KRTAP12-2: variants seen among roughly 807,000 people sequenced by gnomAD.
The protein encoded by KRTAP12-2 is keratin associated protein 12-2.
For missense variants in KRTAP12-2, 166 were observed against 184.2 expected (o/e 0.90, Z 0.57); for synonymous variants, 73 against 83.9 (o/e 0.87, Z 0.71).
chr21:44,666,346 T>C lies in KRTAP12-2; in HGVS notation c.*100A>G. On this transcript the variant is annotated 3_prime_UTR_variant, in exon 1 of 1. Coordinates refer to ENST00000360770, the MANE Select transcript of KRTAP12-2 (RefSeq NM_181684.3). ...CAGAGGGTTCAACTGAGCATGCTTT[T>C]CACCTGCACCATGTGCAGAAGACCA... The C allele has an allele frequency of 7.5e-7, 1 of 1,330,568 alleles. No homozygotes were observed. The highest frequency in any genetic ancestry group is 1.0e-6 in the Non-Finnish European group (1 of 966,754). 82.4% of individuals were successfully genotyped at this position (1,330,568 alleles called of 1,614,324 possible). A position where few individuals can be genotyped will look rare whatever the true frequency, so the allele number is the denominator to read the frequency against.
chr21:44,666,245 C>T lies in KRTAP12-2; in HGVS notation c.*201G>A. The T allele has an allele frequency of 1.6e-6, 1 of 617,808 alleles. No individual in the cohort carries two copies. Among genetic ancestry groups the T allele is most frequent in the Non-Finnish European group, 2.7e-6 (1 of 366,836 alleles). 38.3% of individuals were successfully genotyped at this position (617,808 alleles called of 1,614,324 possible). ...ATGGGGTCAGAGAATGACTCTGGGACCCCAGACTTCCCTGGGGGGATGGGC... is the reference window on the plus strand; with the variant it reads ...ATGGGGTCAGAGAATGACTCTGGGATCCCAGACTTCCCTGGGGGGATGGGC... On this transcript the variant is annotated 3_prime_UTR_variant, in exon 1 of 1. Coordinates refer to ENST00000360770, the MANE Select transcript of KRTAP12-2 (RefSeq NM_181684.3).
Position 44,666,266 on chromosome 21 carries a change from T to C in KRTAP12-2, c.*180A>G. On this transcript the variant is annotated 3_prime_UTR_variant, in exon 1 of 1. Coordinates refer to ENST00000360770, the MANE Select transcript of KRTAP12-2 (RefSeq NM_181684.3). ...GGGACCCCAGACTTCCCTGGGGGGATGGGCAAGGTCAGCAAGGGCTCCAGA... is the reference window on the plus strand; with the variant it reads ...GGGACCCCAGACTTCCCTGGGGGGACGGGCAAGGTCAGCAAGGGCTCCAGA... 1 of 760,196 alleles carries C rather than the reference T, an allele frequency of 1.3e-6. No individual in the cohort carries two copies. The highest frequency in any genetic ancestry group is 2.1e-6 in the Non-Finnish European group (1 of 485,874). 47.1% of individuals were successfully genotyped at this position (760,196 alleles called of 1,614,324 possible).
In KRTAP12-2 at chr21:44,666,574, A is replaced by G. The variant is rs1985774887; in HGVS notation, c.313T>C (p.Cys105Arg). ...ACAGGCCTGCAGCTCACAGGCACGC[A>G]CAGGGAGGACTGGCAGGAGGGGGCT... Reference protein sequence around the residue: ...CAAPSCQSSLCVPVSCRPVVY... With the variant: ...CAAPSCQSSLRVPVSCRPVVY... The change falls in exon 1 of 1, where the codon TGC becomes CGC. Residue 105 changes from cysteine to arginine, a missense_variant. Physicochemically the swap from Cys to Arg is radical, Grantham distance 180. Transcript: ENST00000360770. The G allele has an allele frequency of 6.2e-7, 1 of 1,601,848 alleles. No individual in the cohort carries two copies. Among genetic ancestry groups the G allele is most frequent in the African/African-American group, 1.3e-5 (1 of 74,662 alleles).
rs370521538 is a variant in KRTAP12-2 at position 44,666,520 on chromosome 21, A to T, written c.367T>A (p.Ser123Thr). 5.0e-6 allele frequency: 8 copies of T among 1,612,444 alleles called. No homozygotes were observed. The African/African-American group carries it at 1.1e-4, about 22-fold the overall frequency. The change falls in exon 1 of 1, where the codon TCT becomes ACT. Residue 123 changes from serine (S) to threonine (T), a missense_variant. Ser to Thr is a moderately conservative substitution (Grantham distance 58). Coordinates refer to ENST00000360770, the MANE Select transcript of KRTAP12-2 (RefSeq NM_181684.3). Reference protein sequence around the residue: ...VVYAAPSCQSSGCCQPSCTSV... With the variant: ...VVYAAPSCQSTGCCQPSCTSV... ...GTGCAGGAGGGCTGGCAGCACCCAGAGGACTGGCAGGACGGAGCCGCATAC... is the reference window on the plus strand; with the variant it reads ...GTGCAGGAGGGCTGGCAGCACCCAGTGGACTGGCAGGACGGAGCCGCATAC...
At position 44,666,566 on chromosome 21, in the gene KRTAP12-2, A is replaced by T; in HGVS notation, c.321T>A (p.Pro107=). 2 of 1,600,350 alleles carry T rather than the reference A, an allele frequency of 1.2e-6. No homozygotes were observed. The highest frequency in any genetic ancestry group is 1.7e-6 in the Non-Finnish European group (2 of 1,169,524). The change falls in exon 1 of 1, where the codon CCT becomes CCA. Residue 107 remains proline, a synonymous_variant. Transcript: ENST00000360770. ...APSCQSSLCV[P]VSCRPVVYAA... Reference sequence around the variant, plus strand: ...CATACACGACAGGCCTGCAGCTCACAGGCACGCACAGGGAGGACTGGCAGG... The same window carrying T: ...CATACACGACAGGCCTGCAGCTCACTGGCACGCACAGGGAGGACTGGCAGG...
Position 44,666,492 on chromosome 21 carries a change from C to T in KRTAP12-2, c.395G>A (p.Ser132Asn). The T allele has an allele frequency of 1.2e-6, 2 of 1,609,324 alleles. No homozygotes were observed. Among genetic ancestry groups the T allele is most frequent in the Non-Finnish European group, 1.7e-6 (2 of 1,177,366 alleles). ...GTAGGAGATGGGTCTGCAGAGGACG[C>T]TGGTGCAGGAGGGCTGGCAGCACCC... The part of the protein sequence containing the change: ...SSGCCQPSCT[S>N]VLCRPISYSI... Residue 132 changes from serine (S) to asparagine (N), a missense_variant, in exon 1 of 1, where the codon AGC becomes AAC. Coordinates refer to ENST00000360770, the MANE Select transcript of KRTAP12-2 (RefSeq NM_181684.3).
In KRTAP12-2 at chr21:44,666,715, C is replaced by G; in HGVS notation, c.172G>C (p.Val58Leu). The change falls in exon 1 of 1, where the codon GTG (valine) becomes CTG (leucine). Residue 58 changes from valine (V) to leucine (L), a missense_variant. Physicochemically the swap from Val to Leu is conservative, Grantham distance 32. Coordinates refer to ENST00000360770, the MANE Select transcript of KRTAP12-2 (RefSeq NM_181684.3). Reference sequence around the variant, plus strand: ...ACACACACAGAAGACTGGCAGCTCACGGGCAGGCACACGGCTGGCTTGAAG... The same window carrying G: ...ACACACACAGAAGACTGGCAGCTCAGGGGCAGGCACACGGCTGGCTTGAAG... ...VSFKPAVCLP[V>L]SCQSSVCVPM... The G allele has an allele frequency of 6.2e-7, 1 of 1,613,586 alleles. No homozygotes were observed. Among genetic ancestry groups the G allele is most frequent in the Non-Finnish European group, 8.5e-7 (1 of 1,179,812 alleles).
At position 44,666,340 on chromosome 21, in the gene KRTAP12-2, T is replaced by C. The variant is rs1985756672; in HGVS notation, c.*106A>G. 7 of 1,286,164 alleles carry C rather than the reference T, an allele frequency of 5.4e-6. No homozygotes were observed. The highest frequency in any genetic ancestry group is 7.6e-6 in the Non-Finnish European group (7 of 927,062). 79.7% of individuals were successfully genotyped at this position (1,286,164 alleles called of 1,614,324 possible). On this transcript the variant is annotated 3_prime_UTR_variant, in exon 1 of 1. Coordinates refer to ENST00000360770, the MANE Select transcript of KRTAP12-2 (RefSeq NM_181684.3). ...AGAATTCAGAGGGTTCAACTGAGCA[T>C]GCTTTTCACCTGCACCATGTGCAGA...
At chr21:44,666,688 G>GCA in the KRTAP12-2 span, 21 of 1,613,870 alleles carry the variant, frequency 1.3e-5, no homozygotes, top group South Asian at 2.2e-5. Context: ...AAGCTCATGG[G>GCA]CACACACACA....
chr21:44,666,522 G>A lies in KRTAP12-2; in HGVS notation c.365C>T (p.Ser122Phe), dbSNP rs1555944751. Residue 122 changes from serine (S) to phenylalanine (F), a missense_variant, in exon 1 of 1, where the codon TCC becomes TTC. Ser to Phe is a radical substitution (Grantham distance 155). Coordinates refer to ENST00000360770, the MANE Select transcript of KRTAP12-2 (RefSeq NM_181684.3). ...PVVYAAPSCQ[S>F]SGCCQPSCTS... is the part of the protein sequence containing the mutation. ...GCAGGAGGGCTGGCAGCACCCAGAGGACTGGCAGGACGGAGCCGCATACAC... is the reference window on the plus strand; with the variant it reads ...GCAGGAGGGCTGGCAGCACCCAGAGAACTGGCAGGACGGAGCCGCATACAC... 6.2e-7 allele frequency: 1 copy of A among 1,612,660 alleles called. No individual in the cohort carries two copies. The highest frequency in any genetic ancestry group is 8.5e-7 in the Non-Finnish European group (1 of 1,179,050).
Position 44,666,620 on chromosome 21 carries a change from G to A in KRTAP12-2, c.267C>T (p.Ser89=), listed in dbSNP as rs1555944799. 1 of 1,614,156 alleles carries A rather than the reference G, an allele frequency of 6.2e-7. No individual in the cohort carries two copies. Among genetic ancestry groups the A allele is most frequent in the East Asian group, 2.2e-5 (1 of 44,876 alleles). ...GGGCTGCACACACAATGGGCCTGCA[G>A]CTCACAGGCACACACACAGAAGACT... ...SCQSSVCVPV[S]CRPIVCAAPS... The change falls in exon 1 of 1, where the codon AGC becomes AGT. Residue 89 remains serine, a synonymous_variant. Coordinates refer to ENST00000360770, the MANE Select transcript of KRTAP12-2 (RefSeq NM_181684.3).
chr21:44,666,219 C>A lies in KRTAP12-2; in HGVS notation c.*227G>T. The stretch of plus-strand genomic sequence containing the variant: ...GGGGAAAGCTGGTTTATTTGGCTCT[C>A]ATGGGGTCAGAGAATGACTCTGGGA... On this transcript the variant is annotated 3_prime_UTR_variant, in exon 1 of 1. Transcript: ENST00000360770. 1.9e-6 allele frequency: 1 copy of A among 536,962 alleles called. No individual in the cohort carries two copies. The highest frequency in any genetic ancestry group is 3.3e-6 in the Non-Finnish European group (1 of 307,150). 33.3% of individuals were successfully genotyped at this position (536,962 alleles called of 1,614,324 possible). A position where few individuals can be genotyped will look rare whatever the true frequency, so the allele number is the denominator to read the frequency against.
chr21:44,666,924 G>GTGA lies in KRTAP12-2; in HGVS notation c.-41_-39dup, dbSNP rs2035335624. On this transcript the variant is annotated 5_prime_UTR_variant, in exon 1 of 1. Transcript: ENST00000360770. ...CTGGATAAGGTCGAGGCAGAGGGCA[G>GTGA]TGATGTCTGGGGACGGCCTCCCTGG... 1.3e-6 allele frequency: 2 copies of GTGA among 1,595,652 alleles called. No individual in the cohort carries two copies. Among genetic ancestry groups the GTGA allele is most frequent in the Admixed American group, 3.4e-5 (2 of 58,878 alleles).
rs781934722 is a variant in KRTAP12-2, at chr21:44,666,192, A to T, written c.*254T>A. The T allele has an allele frequency of 2.0e-6, 1 of 495,666 alleles. No homozygotes were observed. The highest frequency in any genetic ancestry group is 3.5e-6 in the Non-Finnish European group (1 of 282,212). 30.7% of individuals were successfully genotyped at this position (495,666 alleles called of 1,614,324 possible). A position where few individuals can be genotyped will look rare whatever the true frequency, so the allele number is the denominator to read the frequency against. On this transcript the variant is annotated 3_prime_UTR_variant, in exon 1 of 1. Coordinates refer to ENST00000360770, the MANE Select transcript of KRTAP12-2 (RefSeq NM_181684.3). ...AGAAAGACCAGAAATGCAGAGCTGCATGGGGAAAGCTGGTTTATTTGGCTC... is the reference window on the plus strand; with the variant it reads ...AGAAAGACCAGAAATGCAGAGCTGCTTGGGGAAAGCTGGTTTATTTGGCTC...
chr21:44,666,661 C>A lies in KRTAP12-2; in HGVS notation c.226G>T (p.Val76Leu). 5.6e-6 allele frequency: 9 copies of A among 1,612,956 alleles called. No homozygotes were observed. Among genetic ancestry groups the A allele is most frequent in the Non-Finnish European group, 7.6e-6 (9 of 1,179,432 alleles). Reference sequence around the variant, plus strand: ...ACAGAAGACTGGCAGCTCACGGGCACGCACACAGCTGACTTGAAGCTCATG... The same window carrying A: ...ACAGAAGACTGGCAGCTCACGGGCAAGCACACAGCTGACTTGAAGCTCATG... ...VPMSFKSAVC[V>L]PVSCQSSVCV... Residue 76 changes from valine to leucine, a missense_variant, in exon 1 of 1, where the codon GTG (valine) becomes TTG (leucine). Physicochemically the swap from Val to Leu is conservative, Grantham distance 32 (BLOSUM62 1). Transcript: ENST00000360770.
At position 44,666,747 on chromosome 21, in the gene KRTAP12-2, G is replaced by A. The variant is rs199775663; in HGVS notation, c.140C>T (p.Pro47Leu). The A allele has an allele frequency of 3.7e-5, 59 of 1,614,158 alleles. No individual in the cohort carries two copies. The highest frequency in any genetic ancestry group is 1.3e-5 in the African/African-American group (1 of 75,042). ...PVGCQSSVCVPVSFKPAVCLP... is the reference protein window; with the variant it reads ...PVGCQSSVCVLVSFKPAVCLP... ...GCACACGGCTGGCTTGAAGCTCACG[G>A]GCACACACACGGAGGACTGGCAGCC... Residue 47 changes from proline (P) to leucine (L), a missense_variant, in exon 1 of 1, where the codon CCC becomes CTC. Coordinates refer to ENST00000360770, the MANE Select transcript of KRTAP12-2 (RefSeq NM_181684.3).
Position 44,666,910 on chromosome 21 carries a change from C to A in KRTAP12-2, c.-24G>T, listed in dbSNP as rs55914221. On this transcript the variant is annotated 5_prime_UTR_variant, in exon 1 of 1. Transcript: ENST00000360770. ...ATGGTGGCGTGTGGCTGGATAAGGT[C>A]GAGGCAGAGGGCAGTGATGTCTGGG... 0.2 allele frequency: 326,539 copies of A among 1,606,214 alleles called. 34,037 individuals carry two copies. Among genetic ancestry groups the A allele is most frequent in the Non-Finnish European group, 0.21 (251,386 of 1,175,236 alleles).
At chr21:44,666,526 G>A in the KRTAP12-2 span, 1 of 1,612,778 alleles carries the variant, frequency 6.2e-7, no homozygotes, top group Non-Finnish European at 8.5e-7. Context: ...CCAGAGGACT[G>A]GCAGGACGGA....
chr21:44,666,282 G>A lies in KRTAP12-2; in HGVS notation c.*164C>T. ...CTGGGGGGATGGGCAAGGTCAGCAA[G>A]GGCTCCAGATCATTCTGTCACATTC... On this transcript the variant is annotated 3_prime_UTR_variant, in exon 1 of 1. Transcript: ENST00000360770. 1 of 900,600 alleles carries A rather than the reference G, an allele frequency of 1.1e-6. No individual in the cohort carries two copies. Among genetic ancestry groups the A allele is most frequent in the Non-Finnish European group, 1.7e-6 (1 of 605,154 alleles). 55.8% of individuals were successfully genotyped at this position (900,600 alleles called of 1,614,324 possible). A position where few individuals can be genotyped will look rare whatever the true frequency, so the allele number is the denominator to read the frequency against.
Sources: gnomAD v4.1 joint callset for allele counts on GRCh38, gnomAD v4.1.1 for gene constraint, MANE v1.5 for transcripts, NCBI Gene and HGNC (gene_info 2026-07-23, HGNC 2026-07-21) for gene names.